The following CLNK variants were observed in gnomAD, a reference collection of about 807,000 sequenced individuals.
The protein encoded by CLNK is cytokine dependent hematopoietic cell linker.
Under a neutral mutation model 68.6 loss-of-function variants are expected in CLNK, and 74 were observed. The observed-to-expected ratio is 1.08, with a 90% CI of 0.89 to 1.31. CLNK has a LOEUF of 1.31. CLNK is among the 50% of genes most tolerant of loss of function. The pLI is 0.00. For synonymous variants in CLNK, 198 were observed against 172.2 expected (o/e 1.15, Z -1.17); for missense variants, 553 against 515.3 (o/e 1.07, Z -0.71).
intron 8 of CLNK, among the ~76,000 whole-genome samples, chr4:10,554,165 T>C (rs1439090945): frequency 2.0e-5 from 3 of 152,220 alleles, no homozygotes; most frequent in Non-Finnish European, 4.4e-5. Context: ...ATGTCCTGCT[T>C]CTGAAGAACC....
chr4:10,542,333 T>A, intron 8 of CLNK, 53 bp from the exon 9 acceptor site: 2 of 1,192,904 alleles, frequency 1.7e-6, no homozygotes, highest in Non-Finnish European at 2.4e-6. Context: ...CATCAAGCAT[T>A]GATTTTATAC....
chr4:10,696,644 C>T, the CLNK span, among the ~76,000 whole-genome samples: 1 of 152,154 alleles, frequency 6.6e-6, no homozygotes, highest in African/African-American at 2.4e-5. Context: ...AAATGGAACA[C>T]TCCTTGGGCA....
chr4:10,507,158 C>A (rs1199828525), intron 17 of CLNK, among the ~76,000 whole-genome samples: 1 of 151,952 alleles, frequency 6.6e-6, no homozygotes, highest in Non-Finnish European at 1.5e-5. Flanking sequence ...GTGGCCCAGG[C>A]TGGAGTGCAG....
chr4:10,536,500 G>A (rs1217979978), intron 11 of CLNK, among the ~76,000 whole-genome samples: 3 of 152,190 alleles, frequency 2.0e-5, no homozygotes, highest in Non-Finnish European at 4.4e-5. Flanking sequence ...CTCCTATGGG[G>A]CTGTGCAGGT....
the CLNK span, among the ~76,000 whole-genome samples, chr4:10,724,714 A>G: frequency 6.6e-6 from 1 of 152,174 alleles, no homozygotes; most frequent in Non-Finnish European, 1.5e-5. Flanking sequence ...ACTGCCAGAT[A>G]AGAAGAGATG....
chr4:10,597,896 T>C lies in CLNK; in HGVS notation c.83+82A>G. The C allele has an allele frequency of 4.2e-6, 4 of 943,400 alleles. No individual in the cohort carries two copies. The South Asian group carries it at 5.9e-5, about 14-fold the overall frequency. The allele number at this position is 943,400 out of a possible 1,614,324, so 58.4% of individuals were successfully genotyped here. A position where few individuals can be genotyped will look rare whatever the true frequency, so the allele number is the denominator to read the frequency against. The stretch of plus-strand genomic sequence containing the variant: ...CAGGTCATTCCATCACATTGACAAT[T>C]TTCGTGTTTGTGATGGTCAGCTTAT... On this transcript the variant is annotated intron_variant, in intron 3 of 18. Coordinates refer to ENST00000226951, the MANE Select transcript of CLNK (RefSeq NM_052964.4).
At chr4:10,602,522 C>A (rs1292176122) in intron 2 of CLNK, among the ~76,000 whole-genome samples, 1 of 152,156 alleles carries the variant, frequency 6.6e-6, no homozygotes, top group East Asian at 1.9e-4. Flanking sequence ...AATCAAGGAA[C>A]ACCTGGAGCC....
intron 2 of CLNK, among the ~76,000 whole-genome samples, chr4:10,625,581 C>T (rs545455712): frequency 6.6e-6 from 1 of 152,050 alleles, no homozygotes; most frequent in African/African-American, 2.4e-5. Context: ...CAGAGAGATA[C>T]AGAGAGACAG....
In CLNK at chr4:10,564,768, T is replaced by C. The variant is rs574987083; in HGVS notation, c.302A>G (p.Tyr101Cys). The C allele has an allele frequency of 8.1e-6, 13 of 1,605,840 alleles. No homozygotes were observed. The highest frequency in any genetic ancestry group is 1.0e-5 in the Non-Finnish European group (12 of 1,172,550). Residue 101 changes from tyrosine to cysteine, a missense_variant, in exon 7 of 19, where the codon TAT becomes TGT. By Grantham distance (194) the Tyr-to-Cys change is radical (BLOSUM62 -2). Transcript: ENST00000226951. ...IKESEYADTH[Y>C]FKVAMDTPLP... ...GGGAGTGTCCATTGCAACCTTGAAA[T>C]AGTGTGTATCTATGCAAACAGAAAA...
intron 2 of CLNK, among the ~76,000 whole-genome samples, chr4:10,611,593 C>T (rs1270740068): frequency 2.6e-5 from 4 of 151,938 alleles, no homozygotes; most frequent in East Asian, 1.9e-4. Flanking sequence ...AGAGAAGGAG[C>T]CCCCCAGGAA....
intron 2 of CLNK, among the ~76,000 whole-genome samples, chr4:10,642,216 TAC>T (rs1167150144): frequency 6.6e-6 from 1 of 152,208 alleles, no homozygotes; most frequent in Non-Finnish European, 1.5e-5. Flanking sequence ...TACACTGCCA[TAC>T]ACACTCTTAC....
chr4:10,729,270 G>A, the CLNK span, among the ~76,000 whole-genome samples: 2 of 152,272 alleles, frequency 1.3e-5, no homozygotes, highest in African/African-American at 4.8e-5. Context: ...AATAACAGAT[G>A]TTGGAGAGGG....
intron 3 of CLNK, among the ~76,000 whole-genome samples, chr4:10,586,721 A>G (rs1720983589): frequency 6.6e-6 from 1 of 152,156 alleles, no homozygotes; most frequent in Non-Finnish European, 1.5e-5. Context: ...GATGAGCTGC[A>G]CCAATTTATA....
Position 10,667,846 on chromosome 4 carries a change from CCACGGTA to C in CLNK, c.11+6_11+12del, listed in dbSNP as rs1724468563. 7 of 1,584,256 alleles carry C rather than the reference CCACGGTA, an allele frequency of 4.4e-6. No homozygotes were observed. Among genetic ancestry groups the C allele is most frequent in the East Asian group, 2.3e-5 (1 of 43,158 alleles). Reference sequence around the variant, plus strand: ...AAGGGAACTGGGGCTCACAGTGATCCCACGGTACTTACTGCCTGTTCATAGTTCTTGG... The same window carrying C: ...AAGGGAACTGGGGCTCACAGTGATCCCTTACTGCCTGTTCATAGTTCTTGG... On this transcript the variant is annotated splice_donor_region_variant and intron_variant, in intron 2 of 18. Coordinates refer to ENST00000226951, the MANE Select transcript of CLNK (RefSeq NM_052964.4).
At chr4:10,649,514 G>A (rs1723645730) in intron 2 of CLNK, among the ~76,000 whole-genome samples, 1 of 152,134 alleles carries the variant, frequency 6.6e-6, no homozygotes, top group Non-Finnish European at 1.5e-5. Flanking sequence ...CTACACTGTG[G>A]AATAATCTAG....
chr4:10,603,015 C>T (rs1291749431), intron 2 of CLNK, among the ~76,000 whole-genome samples: 1 of 152,172 alleles, frequency 6.6e-6, no homozygotes, highest in Non-Finnish European at 1.5e-5. Flanking sequence ...AGTTATTCCC[C>T]TCTAATTTCT....
Position 10,528,063 on chromosome 4 carries a change from G to T in CLNK, c.649+13C>A. The T allele has an allele frequency of 2.2e-6, 3 of 1,339,296 alleles. No homozygotes were observed. The highest frequency in any genetic ancestry group is 2.0e-6 in the Non-Finnish European group (2 of 1,017,584). The allele number at this position is 1,339,296 out of a possible 1,614,324, so 83.0% of individuals were successfully genotyped here. ...TTAGTATTAGGGTAAGAAAACAAATGTAAACAATTCACCTTTTTCTGCTTC... is the reference window on the plus strand; with the variant it reads ...TTAGTATTAGGGTAAGAAAACAAATTTAAACAATTCACCTTTTTCTGCTTC... On this transcript the variant is annotated intron_variant, in intron 13 of 18. Transcript: ENST00000226951.
chr4:10,597,477 C>T (rs2108845070), intron 3 of CLNK, among the ~76,000 whole-genome samples: 1 of 152,298 alleles, frequency 6.6e-6, no homozygotes, highest in East Asian at 1.9e-4. Flanking sequence ...GAGACTTTGT[C>T]TTTTGTTGCT....
the CLNK span, among the ~76,000 whole-genome samples, chr4:10,726,335 G>T: frequency 2.0e-5 from 3 of 152,274 alleles, no homozygotes; most frequent in African/African-American, 4.8e-5. Flanking sequence ...TGGCCAGGAT[G>T]GTCTCGATCT....
Sources: gnomAD v4.1 joint callset for allele counts (sites outside exome capture counted in the v4.1 genomes callset) on GRCh38, gnomAD v4.1.1 for gene constraint, MANE v1.5 for transcripts, NCBI Gene and HGNC (gene_info 2026-07-23, HGNC 2026-07-21) for gene names.